The following SORCS3 variants were observed in gnomAD, a reference collection of about 807,000 sequenced individuals.
The protein encoded by SORCS3 is VPS10 domain-containing receptor SorCS3.
In SORCS3, 57 loss-of-function variants were observed where a neutral mutation model predicts 146.3. That is an observed-to-expected ratio of 0.39 (90% CI 0.31 to 0.49). The LOEUF is 0.49. Among genes scored for constraint, SORCS3 ranks in the 20% least tolerant of loss-of-function variants. The pLI, the probability that SORCS3 is intolerant of heterozygous loss-of-function variation, is 0.92. For synonymous variants in SORCS3, 653 were observed against 618.5 expected (o/e 1.06, Z -0.83); for missense variants, 1,341 against 1,575.5 (o/e 0.85, Z 2.52).
intron 8 of SORCS3, among the ~76,000 whole-genome samples, chr10:105,147,138 C>T (rs1249574091): frequency 1.3e-5 from 2 of 152,120 alleles, no homozygotes; most frequent in African/African-American, 4.8e-5. Flanking sequence ...TAGAGCCCCA[C>T]TCATTGGTTA....
intron 13 of SORCS3, among the ~76,000 whole-genome samples, chr10:105,176,627 G>A (rs2056405540): frequency 6.6e-6 from 1 of 152,002 alleles, no homozygotes; most frequent in African/African-American, 2.4e-5. Flanking sequence ...AGGCCTAGGT[G>A]GGTGGGTTAC....
intron 20 of SORCS3, among the ~76,000 whole-genome samples, chr10:105,232,166 G>T (rs942927168): frequency 6.6e-6 from 1 of 152,046 alleles, no homozygotes; most frequent in African/African-American, 2.4e-5. Flanking sequence ...AACCATCTGA[G>T]CCTAGTGTTT....
intron 14 of SORCS3, among the ~76,000 whole-genome samples, chr10:105,196,155 A>T (rs976768561): frequency 1.3e-5 from 2 of 152,200 alleles, no homozygotes; most frequent in African/African-American, 4.8e-5. Flanking sequence ...AAAGACCAAC[A>T]ACATGGACAT....
chr10:105,120,737 A>G (rs1218257786), intron 7 of SORCS3, among the ~76,000 whole-genome samples: 1 of 152,200 alleles, frequency 6.6e-6, no homozygotes, highest in African/African-American at 2.4e-5. Context: ...TACATATTAT[A>G]AAGTAACTAT....
At chr10:105,049,932 C>G (rs530444313) in intron 5 of SORCS3, among the ~76,000 whole-genome samples, 6 of 151,970 alleles carry the variant, frequency 3.9e-5, no homozygotes, top group African/African-American at 1.4e-4. Flanking sequence ...TTGTAGGAAA[C>G]CTGCACATGT....
chr10:104,951,541 C>T (rs780039131), intron 3 of SORCS3, among the ~76,000 whole-genome samples: 5 of 151,926 alleles, frequency 3.3e-5, no homozygotes, highest in African/African-American at 9.7e-5. Context: ...ATGAGGGTCT[C>T]GCTATGTTGC....
chr10:104,774,903 G>C (rs1404926575), intron 1 of SORCS3, among the ~76,000 whole-genome samples: 2 of 152,190 alleles, frequency 1.3e-5, no homozygotes, highest in African/African-American at 4.8e-5. Context: ...AACGAGCTGA[G>C]ACATTCCTAT....
chr10:104,900,768 C>T (rs2018843714), intron 2 of SORCS3, among the ~76,000 whole-genome samples: 2 of 151,762 alleles, frequency 1.3e-5, no homozygotes, highest in Admixed American at 1.3e-4. Context: ...GTGGCACGCA[C>T]CTGTAATCCC....
At chr10:104,675,651 T>G (rs939740053) in intron 1 of SORCS3, among the ~76,000 whole-genome samples, 1 of 152,222 alleles carries the variant, frequency 6.6e-6, no homozygotes, top group Non-Finnish European at 1.5e-5. Context: ...AAAGATGTCT[T>G]TGTTGCAAAT....
At position 104,837,437 on chromosome 10, in the gene SORCS3, A is replaced by C. The variant is rs554689204; in HGVS notation, c.628-5355A>C. The stretch of plus-strand genomic sequence containing the variant: ...ATTCTCTCTGTGTGTATGTCTGTAT[A>C]TAGCTTGTAAGAAGAGAGAAGTGCT... On this transcript the variant is annotated intron_variant, in intron 1 of 26. Coordinates refer to ENST00000369701, the MANE Select transcript of SORCS3 (RefSeq NM_014978.3). Among the ~76,000 whole-genome samples the C allele has an allele frequency of 1.5e-4, 23 of 152,340 alleles. No homozygotes were observed. The Middle Eastern group carries it at 0.024, about 158-fold the overall frequency.
At chr10:104,864,486 C>T (rs984498487) in intron 2 of SORCS3, among the ~76,000 whole-genome samples, 1 of 152,088 alleles carries the variant, frequency 6.6e-6, no homozygotes, top group African/African-American at 2.4e-5. Flanking sequence ...CTGCCATTGC[C>T]AGTGTATACC....
At chr10:104,669,034 T>C (rs974167308) in intron 1 of SORCS3, among the ~76,000 whole-genome samples, 1 of 152,148 alleles carries the variant, frequency 6.6e-6, no homozygotes, top group African/African-American at 2.4e-5. Context: ...CAGAGAGAAG[T>C]GTTAAGAACA....
At chr10:105,004,096 A>G (rs1243767949) in intron 4 of SORCS3, among the ~76,000 whole-genome samples, 1 of 146,260 alleles carries the variant, frequency 6.8e-6, no homozygotes, top group East Asian at 2.0e-4. Context: ...TTTTTGTTCC[A>G]TTGATTTTTA....
In SORCS3 at chr10:104,870,269, T is replaced by A. The variant is rs147188420; in HGVS notation, c.695+27410T>A. On this transcript the variant is annotated intron_variant, in intron 2 of 26. Transcript: ENST00000369701. ...TATTGGTCCTGCACCTCTCAGCCAATCTTAATCTTTAGGAAAGAGAAACAC... is the reference window on the plus strand; with the variant it reads ...TATTGGTCCTGCACCTCTCAGCCAAACTTAATCTTTAGGAAAGAGAAACAC... 6.4e-3 allele frequency among the ~76,000 whole-genome samples: 969 copies of A among 152,322 alleles called. 14 individuals are homozygous for A. The highest frequency in any genetic ancestry group is 0.022 in the African/African-American group (919 of 41,566).
At chr10:104,899,152 T>G (rs2018826855) in intron 2 of SORCS3, among the ~76,000 whole-genome samples, 1 of 152,214 alleles carries the variant, frequency 6.6e-6, no homozygotes, top group African/African-American at 2.4e-5. Flanking sequence ...CTATAAAATG[T>G]AAGCATGTTT....
At chr10:104,678,882 T>C (rs956960596) in intron 1 of SORCS3, among the ~76,000 whole-genome samples, 7 of 152,140 alleles carry the variant, frequency 4.6e-5, no homozygotes, top group African/African-American at 9.7e-5. Context: ...AAGAGAATCA[T>C]TCACTGAGGG....
intron 1 of SORCS3, among the ~76,000 whole-genome samples, chr10:104,708,403 C>T (rs1340942870): frequency 2.0e-5 from 3 of 152,288 alleles, no homozygotes; most frequent in East Asian, 3.9e-4. Flanking sequence ...AGTCCTGGCC[C>T]TCCTTTCTCC....
intron 3 of SORCS3, among the ~76,000 whole-genome samples, chr10:104,937,419 T>C (rs1183293455): frequency 1.3e-5 from 2 of 152,242 alleles, no homozygotes; most frequent in Non-Finnish European, 2.9e-5. Context: ...AATGCCAGGA[T>C]GCCAAATATA....
intron 1 of SORCS3, among the ~76,000 whole-genome samples, chr10:104,766,780 C>A (rs1158090531): frequency 6.6e-6 from 1 of 152,212 alleles, no homozygotes; most frequent in Non-Finnish European, 1.5e-5. Context: ...CACGGTACCT[C>A]TGAATGTGCT....
Sources: allele counts gnomAD v4.1 joint callset (sites outside exome capture counted in the v4.1 genomes callset), GRCh38; gene constraint gnomAD v4.1.1; transcripts MANE v1.5; gene names NCBI Gene and HGNC (gene_info 2026-07-23, HGNC 2026-07-21).